The following FBXO9 variants were observed in gnomAD, a reference collection of about 807,000 sequenced individuals.
FBXO9 encodes the protein F-box only protein 9.
In FBXO9, 43 loss-of-function variants were observed where a neutral mutation model predicts 63.7. The ratio of observed to expected loss-of-function variants is 0.67; its 90% CI spans 0.53 to 0.87. FBXO9 has a LOEUF of 0.87. FBXO9 is among the 40% of genes least tolerant of loss of function. The pLI is 0.00. For synonymous variants in FBXO9, 156 were observed against 171.7 expected (o/e 0.91, Z 0.72); for missense variants, 442 against 533.2 (o/e 0.83, Z 1.68).
At chr6:53,082,474 G>A in intron 6 of FBXO9, 30 bp from the exon 7 acceptor site, 1 of 1,420,176 alleles carries the variant, frequency 7.0e-7, no homozygotes, top group Non-Finnish European at 9.9e-7. Flanking sequence ...ACATAGAGGA[G>A]AGTCACTGAA....
At chr6:53,067,868 T>G (rs1363772416) in intron 1 of FBXO9, 1 of 152,206 alleles carries the variant, frequency 6.6e-6, no homozygotes, top group Non-Finnish European at 1.5e-5. Flanking sequence ...TTTCTAGAAA[T>G]TCATCTGAGT....
intron 7 of FBXO9, 125 bp from the exon 8 acceptor site, chr6:53,092,304 C>A: frequency 1.5e-6 from 1 of 685,702 alleles, no homozygotes; most frequent in Non-Finnish European, 2.5e-6. Flanking sequence ...ATTAGTTTCT[C>A]CTCAGAACAG....
intron 4 of FBXO9, among the ~76,000 whole-genome samples, chr6:53,078,314 T>C (rs185706753): frequency 1.2e-4 from 18 of 152,064 alleles, no homozygotes; most frequent in Admixed American, 9.8e-4. Context: ...ATTAGCTGAG[T>C]GTGCTGGCTG....
In FBXO9 at chr6:53,095,637, T is replaced by C; in HGVS notation, c.1178T>C (p.Ile393Thr). The C allele has an allele frequency of 6.2e-7, 1 of 1,611,998 alleles. No individual in the cohort carries two copies. Among genetic ancestry groups the C allele is most frequent in the Admixed American group, 1.7e-5 (1 of 59,522 alleles). Residue 393 changes from isoleucine to threonine, a missense_variant, in exon 12 of 13, where the codon ATA becomes ACA. Coordinates refer to ENST00000323557, the MANE Select transcript of FBXO9 (RefSeq NM_033480.3). ...CAGAGGTTCAACAAACTCATCTGGA[T>C]ACATCATTCTTGTCACATTACTTAC... Reference protein sequence around the residue: ...GHQRFNKLIWIHHSCHITYKS... With the variant: ...GHQRFNKLIWTHHSCHITYKS...
Position 53,078,675 on chromosome 6 carries a change from T to C in FBXO9, c.308-124T>C, listed in dbSNP as rs160626. On this transcript the variant is annotated intron_variant, in intron 4 of 12. Transcript: ENST00000323557. ...TTTGTGTCACTGAACTGCTGTTGCA[T>C]GTAGAAAAACAGAATTTGGCCGTTT... The C allele has an allele frequency of 3.7e-3, 2,470 of 660,164 alleles. 44 individuals are homozygous for C. In the African/African-American group the frequency reaches 0.039, roughly 10 times the overall value. 40.9% of individuals were successfully genotyped at this position (660,164 alleles called of 1,614,324 possible). A position where few individuals can be genotyped will look rare whatever the true frequency, so the allele number is the denominator to read the frequency against.
At chr6:53,093,430 G>C in intron 9 of FBXO9, 36 bp from the exon 10 acceptor site, 1 of 1,399,346 alleles carries the variant, frequency 7.1e-7, no homozygotes. Context: ...CTTTGTGTGG[G>C]GGGTGTGTTT....
rs1763283175 is a variant in FBXO9, at chr6:53,098,737, T to C, written c.*907T>C. The C allele has an allele frequency of 1.3e-5, 2 of 152,250 alleles. No individual in the cohort carries two copies. Among genetic ancestry groups the C allele is most frequent in the African/African-American group, 4.8e-5 (2 of 41,466 alleles). 9.4% of individuals were successfully genotyped at this position (152,250 alleles called of 1,614,324 possible). Reference sequence around the variant, plus strand: ...CTGGAACACTTCAAGCTCAACCAACTGACTCAGTTGTCATTCTTCACAAAA... The same window carrying C: ...CTGGAACACTTCAAGCTCAACCAACCGACTCAGTTGTCATTCTTCACAAAA... On this transcript the variant is annotated 3_prime_UTR_variant, in exon 13 of 13. Coordinates refer to ENST00000323557, the MANE Select transcript of FBXO9 (RefSeq NM_033480.3).
At chr6:53,072,945 A>T in intron 2 of FBXO9, among the ~76,000 whole-genome samples, 1 of 151,506 alleles carries the variant, frequency 6.6e-6, no homozygotes. Flanking sequence ...CTGTTCTCGA[A>T]CTCCTGACCT....
At position 53,065,791 on chromosome 6, in the gene FBXO9, TG is replaced by T; in HGVS notation, c.3+1del. [M>X]AEAEEDCHSD... ...AGCGCAGCAGGCCGCCCCGCCAGCA[TG>T]GTAACCTGGCCAGGGGGCTCGAGGG... On this transcript the variant is annotated frameshift_variant and start_lost and splice_region_variant, in exon 1 of 13. Transcript: ENST00000323557. LOFTEE classifies it high-confidence loss of function. 1 of 1,383,846 alleles carries T rather than the reference TG, an allele frequency of 7.2e-7. No individual in the cohort carries two copies. The highest frequency in any genetic ancestry group is 9.4e-7 in the Non-Finnish European group (1 of 1,068,036). 85.7% of individuals were successfully genotyped at this position (1,383,846 alleles called of 1,614,324 possible).
intron 7 of FBXO9, chr6:53,091,577 C>T (rs1342184508): frequency 6.6e-6 from 1 of 152,372 alleles, no homozygotes; most frequent in African/African-American, 2.4e-5. Flanking sequence ...CTATGTTGGC[C>T]AGGCTGGTCT....
intron 11 of FBXO9, 63 bp from the exon 12 acceptor site, chr6:53,095,450 A>C (rs568387587): frequency 2.1e-6 from 3 of 1,442,358 alleles, no homozygotes; most frequent in African/African-American, 2.8e-5. Context: ...GTTGCATACT[A>C]TTTCTGTAAA....
chr6:53,095,785 A>T, intron 12 of FBXO9, 121 bp downstream of exon 12: 1 of 973,832 alleles, frequency 1.0e-6, no homozygotes, highest in South Asian at 2.0e-5. Flanking sequence ...AACTAAAACC[A>T]GTACTACTAC....
Position 53,097,821 on chromosome 6 carries a change from G to A in FBXO9, c.1305G>A (p.Arg435=), listed in dbSNP as rs369131299. Residue 435 remains arginine, a synonymous_variant, in exon 13 of 13, where the codon AGG becomes AGA. Transcript: ENST00000323557. ...GGAGCTACACAGCTTTCTCAGAAAG[G>A]CCTCTGTAGAGCCTCAAGTCCAGTC... is the stretch of plus-strand genomic sequence containing the variant. ...RVRSYTAFSE[R]PL The A allele has an allele frequency of 1.2e-5, 19 of 1,598,190 alleles. No homozygotes were observed. In the African/African-American group the frequency reaches 2.3e-4, roughly 19 times the overall value.
At chr6:53,065,904 T>C (rs770122222) in intron 1 of FBXO9, 112 bp downstream of exon 1, 1 of 1,205,772 alleles carries the variant, frequency 8.3e-7, no homozygotes, top group Non-Finnish European at 1.0e-6. Context: ...GAGTGGGAGC[T>C]TCACGGCTGC....
At chr6:53,067,648 A>C (rs1768754553) in intron 1 of FBXO9, among the ~76,000 whole-genome samples, 1 of 152,188 alleles carries the variant, frequency 6.6e-6, no homozygotes, top group Non-Finnish European at 1.5e-5. Context: ...CACAGAACTC[A>C]GGTCCCCTCG....
At chr6:53,094,524 ATGCACGTTTTCAATCCT>A (rs1763149444) in intron 11 of FBXO9, among the ~76,000 whole-genome samples, 1 of 152,174 alleles carries the variant, frequency 6.6e-6, no homozygotes. Flanking sequence ...CTTTCTCCAT[ATGCACGTTTTCAATCCT>A]GGTTAAAAAT....
chr6:53,083,525 C>T (rs1454317935), intron 7 of FBXO9, among the ~76,000 whole-genome samples: 1 of 152,156 alleles, frequency 6.6e-6, no homozygotes, highest in Non-Finnish European at 1.5e-5. Context: ...ATGAGGATTA[C>T]ATAATTGTTT....
chr6:53,097,926 G>GTATATATATATATATA lies in FBXO9; in HGVS notation c.*130_*145dup, dbSNP rs57607929. 1 of 88,296 alleles carries GTATATATATATATATA rather than the reference G, an allele frequency of 1.1e-5. No individual in the cohort carries two copies. The highest frequency in any genetic ancestry group is 2.0e-5 in the Non-Finnish European group (1 of 50,920). 5.5% of individuals were successfully genotyped at this position (88,296 alleles called of 1,614,324 possible). ...TAAATGTGTGTGTGTGCGTGTGTGT[G>GTATATATATATATATA]TATATATATATATATATATATATAT... On this transcript the variant is annotated 3_prime_UTR_variant, in exon 13 of 13. Transcript: ENST00000323557.
chr6:53,087,124 T>C (rs1207700283), intron 7 of FBXO9, among the ~76,000 whole-genome samples: 2 of 151,898 alleles, frequency 1.3e-5, no homozygotes, highest in African/African-American at 4.8e-5. Context: ...GATTGATGGG[T>C]TGGACCCAGG....
Sources: gnomAD v4.1 joint callset for allele counts (sites outside exome capture counted in the v4.1 genomes callset) on GRCh38, gnomAD v4.1.1 for gene constraint, MANE v1.5 for transcripts, NCBI Gene and HGNC (gene_info 2026-07-23, HGNC 2026-07-21) for gene names.